C19orf12: variants seen among roughly 807,000 people sequenced by gnomAD.
C19orf12 encodes protein C19orf12.
Under a neutral mutation model 3.8 loss-of-function variants are expected in C19orf12, and 2 were observed. The observed-to-expected ratio is 0.53, with a 90% CI of 0.22 to 1.66. The LOEUF (loss-of-function observed/expected upper bound fraction) is 1.66. Among genes scored for constraint, C19orf12 ranks in the 40% most tolerant of loss-of-function variants. The pLI, the probability that C19orf12 is intolerant of heterozygous loss-of-function variation, is 0.20. For missense variants in C19orf12, 156 were observed against 188.8 expected (o/e 0.83, Z 1.02); for synonymous variants, 89 against 84.6 (o/e 1.05, Z -0.28).
At chr19:29,713,459 T>C (rs1423309183) in intron 1 of C19orf12, among the ~76,000 whole-genome samples, 1 of 151,372 alleles carries the variant, frequency 6.6e-6, no homozygotes, top group African/African-American at 2.4e-5. Flanking sequence ...CTTTCTGAGT[T>C]TGGACCAGAT....
At chr19:29,715,502 CGCAGG>C, upstream of C19orf12, 2 of 331,750 alleles carry the variant, frequency 6.0e-6, no homozygotes, top group Non-Finnish European at 1.3e-5. Flanking sequence ...GCCGCGCTCC[CGCAGG>C]CCCAGCCCTG....
At chr19:29,703,495 C>T (rs1972225996) in intron 2 of C19orf12, among the ~76,000 whole-genome samples, 1 of 151,674 alleles carries the variant, frequency 6.6e-6, no homozygotes. Flanking sequence ...ATTCTCCCAC[C>T]TCAGCCTCCC....
chr19:29,705,144 C>A, intron 2 of C19orf12: 1 of 210,476 alleles, frequency 4.8e-6, no homozygotes, highest in Non-Finnish European at 1.0e-5. Context: ...TATCACACAC[C>A]CCCAGAATTA....
rs1300914498 is a variant in C19orf12, at chr19:29,702,469, G to A, written c.*243C>T. On this transcript the variant is annotated 3_prime_UTR_variant, in exon 3 of 3. Coordinates refer to ENST00000323670, the MANE Select transcript of C19orf12 (RefSeq NM_031448.6). ...GGCAGGCCTTTACTCTTCACTGGGGGGCCAGTCAGAGGGCTGTCATGGCAG... is the reference window on the plus strand; with the variant it reads ...GGCAGGCCTTTACTCTTCACTGGGGAGCCAGTCAGAGGGCTGTCATGGCAG... The A allele has an allele frequency of 8.6e-6, 6 of 694,938 alleles. No individual in the cohort carries two copies. The highest frequency in any genetic ancestry group is 1.6e-5 in the Non-Finnish European group (6 of 385,526). The allele number at this position is 694,938 out of a possible 1,614,324, so 43.0% of individuals were successfully genotyped here. A position where few individuals can be genotyped will look rare whatever the true frequency, so the allele number is the denominator to read the frequency against.
In C19orf12 at chr19:29,702,701, G is replaced by A. The variant is rs745556246; in HGVS notation, c.*11C>T. 1.3e-4 allele frequency: 203 copies of A among 1,613,138 alleles called. No individual in the cohort carries two copies. The highest frequency in any genetic ancestry group is 1.7e-4 in the Admixed American group (10 of 60,020). The stretch of plus-strand genomic sequence containing the variant: ...ATTTAAAGGGGCCCCCCACCTCCCC[G>A]GAGGTGCGGCCTAGTCATCATACTG... On this transcript the variant is annotated 3_prime_UTR_variant, in exon 3 of 3. Transcript: ENST00000323670.
intron 1 of C19orf12, among the ~76,000 whole-genome samples, chr19:29,711,799 C>T (rs1972694201): frequency 6.6e-6 from 1 of 152,188 alleles, no homozygotes. Context: ...AGCTTCCGAC[C>T]TGCTCCGAAT....
At chr19:29,710,802 C>A (rs1033245318) in intron 1 of C19orf12, among the ~76,000 whole-genome samples, 15 of 152,128 alleles carry the variant, frequency 9.9e-5, no homozygotes, top group Admixed American at 3.3e-4. Context: ...TTGAATGCCT[C>A]CTCCTTCTCC....
intron 2 of C19orf12, among the ~76,000 whole-genome samples, chr19:29,703,221 A>G (rs1442472647): frequency 6.6e-6 from 1 of 152,118 alleles, no homozygotes; most frequent in African/African-American, 2.4e-5. Context: ...TCCACATTTA[A>G]GGATGCAAAA....
chr19:29,702,094 G>C lies in C19orf12; in HGVS notation c.*618C>G, dbSNP rs990998280. 2.9e-5 allele frequency: 13 copies of C among 449,432 alleles called. No individual in the cohort carries two copies. The highest frequency in any genetic ancestry group is 4.9e-5 in the Non-Finnish European group (11 of 223,622). The allele number at this position is 449,432 out of a possible 1,614,324, so 27.8% of individuals were successfully genotyped here. A position where few individuals can be genotyped will look rare whatever the true frequency, so the allele number is the denominator to read the frequency against. ...GCGAGGCCCTGGCAGGGCGAGTCTA[G>C]GTGTGCAGCCTAGTGGGGGCCGGGG... On this transcript the variant is annotated 3_prime_UTR_variant, in exon 3 of 3. Coordinates refer to ENST00000323670, the MANE Select transcript of C19orf12 (RefSeq NM_031448.6).
At chr19:29,707,940 T>C (rs1972465515) in intron 2 of C19orf12, among the ~76,000 whole-genome samples, 1 of 151,710 alleles carries the variant, frequency 6.6e-6, no homozygotes, top group African/African-American at 2.4e-5. Context: ...GGCATGATCT[T>C]GGCTCACTGC....
chr19:29,712,464 A>C (rs1235560050), intron 1 of C19orf12, among the ~76,000 whole-genome samples: 1 of 151,974 alleles, frequency 6.6e-6, no homozygotes, highest in African/African-American at 2.4e-5. Flanking sequence ...TGATAAGAAG[A>C]GCTACCCTGG....
chr19:29,700,389 T>C lies in C19orf12; in HGVS notation c.*2323A>G, dbSNP rs897790668. ...TTGTTGAGGTTTCATTCTCACGATA[T>C]CTGCAAATCAACGTTTTTTCCTTCA... is the stretch of plus-strand genomic sequence containing the variant. On this transcript the variant is annotated 3_prime_UTR_variant, in exon 3 of 3. Coordinates refer to ENST00000323670, the MANE Select transcript of C19orf12 (RefSeq NM_031448.6). 4.4e-6 allele frequency: 2 copies of C among 454,150 alleles called. No homozygotes were observed. The highest frequency in any genetic ancestry group is 1.6e-5 in the South Asian group (1 of 64,480). 28.1% of individuals were successfully genotyped at this position (454,150 alleles called of 1,614,324 possible).
rs542635635 is a variant in C19orf12 at position 29,701,162 on chromosome 19, C to T, written c.*1550G>A. 4 of 454,112 alleles carry T rather than the reference C, an allele frequency of 8.8e-6. No homozygotes were observed. The highest frequency in any genetic ancestry group is 6.2e-5 in the South Asian group (4 of 64,476). 28.1% of individuals were successfully genotyped at this position (454,112 alleles called of 1,614,324 possible). A position where few individuals can be genotyped will look rare whatever the true frequency, so the allele number is the denominator to read the frequency against. On this transcript the variant is annotated 3_prime_UTR_variant, in exon 3 of 3. Transcript: ENST00000323670. ...TTACACATAATATGTGGGAAAATGG[C>T]TTTTTAGAAAAACATTTATTGTAAT... is the stretch of plus-strand genomic sequence containing the variant.
At chr19:29,710,583 T>G (rs926951415) in intron 1 of C19orf12, among the ~76,000 whole-genome samples, 1 of 152,186 alleles carries the variant, frequency 6.6e-6, no homozygotes, top group Non-Finnish European at 1.5e-5. Context: ...ATTCAGAAAT[T>G]GCAAACAAGC....
At chr19:29,704,646 G>C (rs541419296) in intron 2 of C19orf12, among the ~76,000 whole-genome samples, 2 of 152,180 alleles carry the variant, frequency 1.3e-5, no homozygotes, top group East Asian at 3.8e-4. Flanking sequence ...TGCAGAATAT[G>C]GTGCAGAGAA....
intron 1 of C19orf12, among the ~76,000 whole-genome samples, chr19:29,713,584 C>A (rs1164470816): frequency 1.3e-5 from 2 of 152,202 alleles, no homozygotes; most frequent in African/African-American, 2.4e-5. Flanking sequence ...CATTGACCTC[C>A]CACCTCTCCA....
intron 1 of C19orf12, among the ~76,000 whole-genome samples, chr19:29,712,362 C>T (rs1390303586): frequency 6.6e-6 from 1 of 151,838 alleles, no homozygotes; most frequent in East Asian, 1.9e-4. Context: ...GCTGAGATCA[C>T]ACCACTGCAC....
intron 1 of C19orf12, chr19:29,708,749 T>G: frequency 2.5e-6 from 1 of 395,082 alleles, no homozygotes; most frequent in Non-Finnish European, 4.8e-6. Context: ...GGTCTGACCC[T>G]TCTGGCATTA....
Position 29,708,352 on chromosome 19 carries a change from AT to A in C19orf12, c.61del (p.Met21Ter), listed in dbSNP as rs746029143. ...CCCAGAGTGCTTGACAGCCGCCTTC[AT>A]CTTCCTCTCCCCAGAAAGGGAGCAC... is the stretch of plus-strand genomic sequence containing the variant. ...LLCSLSGERK[M>X]KAAVKHSGKG... On this transcript the variant is annotated frameshift_variant, in exon 2 of 3. Coordinates refer to ENST00000323670, the MANE Select transcript of C19orf12 (RefSeq NM_031448.6). LOFTEE classifies it high-confidence loss of function. The A allele has an allele frequency of 1.9e-6, 3 of 1,613,966 alleles. No homozygotes were observed. The African/African-American group carries it at 4.0e-5, about 22-fold the overall frequency.
Sources: allele counts gnomAD v4.1 joint callset (sites outside exome capture counted in the v4.1 genomes callset), GRCh38; gene constraint gnomAD v4.1.1; transcripts MANE v1.5; gene names NCBI Gene and HGNC (gene_info 2026-07-23, HGNC 2026-07-21).